The following RFC1 variants were observed in gnomAD, a reference collection of about 807,000 sequenced individuals.
RFC1 encodes A1 140 kDa subunit.
A neutral mutation model predicts 137.4 loss-of-function variants in RFC1; 37 were observed. The observed-to-expected ratio is 0.27, with a 90% CI of 0.21 to 0.35. The LOEUF (loss-of-function observed/expected upper bound fraction) is 0.35, where lower values mean the gene tolerates loss of function less well. Ranked by LOEUF, RFC1 falls within the 10% of genes least tolerant of loss-of-function variation. The pLI, the probability that RFC1 is intolerant of heterozygous loss-of-function variation, is 1.00. For synonymous variants in RFC1, 429 were observed against 455.7 expected, an observed-to-expected ratio of 0.94 and a Z score of 0.75; for missense variants, 1,205 against 1,358.5, an observed-to-expected ratio of 0.89 and a Z score of 1.78.
chr4:39,366,096 G>A, intron 1 of RFC1, 143 bp downstream of exon 1: 4 of 875,478 alleles, frequency 4.6e-6, no homozygotes, highest in Non-Finnish European at 6.6e-6. Flanking sequence ...TGCCCGGTGT[G>A]CGGCCCCTTC....
chr4:39,299,885 A>G, intron 21 of RFC1, 136 bp downstream of exon 21: 1 of 619,168 alleles, frequency 1.6e-6, no homozygotes, highest in South Asian at 2.0e-5. Context: ...ACTACACTCC[A>G]GCCCGGGCAA....
intron 1 of RFC1, 44 bp downstream of exon 1, chr4:39,366,195 G>A (rs763393317): frequency 1.9e-6 from 3 of 1,547,794 alleles, no homozygotes; most frequent in Non-Finnish European, 2.6e-6. Flanking sequence ...GGCCTGCAAA[G>A]CCCCCCCAGA....
rs200660847 is a variant in RFC1 at position 39,365,320 on chromosome 4, C to CG, written c.3+918_3+919insC. 135 of 324,514 alleles carry CG rather than the reference C, an allele frequency of 4.2e-4. 4 individuals carry two copies. In the Admixed American group the frequency reaches 7.7e-3, roughly 19 times the overall value. 20.1% of individuals were successfully genotyped at this position (324,514 alleles called of 1,614,324 possible). A position where few individuals can be genotyped will look rare whatever the true frequency, so the allele number is the denominator to read the frequency against. On this transcript the variant is annotated intron_variant, in intron 1 of 24. Coordinates refer to ENST00000349703, the MANE Select transcript of RFC1 (RefSeq NM_002913.5). Reference sequence around the variant, plus strand: ...TGTGGCATAAAATTTTCACCGCCCCCCCCCAGAATGTTGTCACTGTGACAC... The same window carrying CG: ...TGTGGCATAAAATTTTCACCGCCCCCGCCCCAGAATGTTGTCACTGTGACAC...
rs17287970 is a variant in RFC1 at position 39,344,045 on chromosome 4, CAG to C, written c.208+1354_208+1355del. Among the ~76,000 whole-genome samples, 962 of 151,118 alleles carry C rather than the reference CAG, an allele frequency of 6.4e-3. 15 individuals are homozygous for C. The highest frequency in any genetic ancestry group is 0.023 in the African/African-American group (929 of 41,112). ...AGGAGAATCGCTTGAACCCAGGAGA[CAG>C]AGGTTACACTGACCCAAGATCATGC... On this transcript the variant is annotated intron_variant, in intron 3 of 24. Coordinates refer to ENST00000349703, the MANE Select transcript of RFC1 (RefSeq NM_002913.5).
intron 1 of RFC1, among the ~76,000 whole-genome samples, chr4:39,361,823 C>G (rs1741772876): frequency 6.6e-6 from 1 of 152,156 alleles, no homozygotes; most frequent in Non-Finnish European, 1.5e-5. Flanking sequence ...CCGAGGCGGG[C>G]TGATCACGAG....
At position 39,306,488 on chromosome 4, in the gene RFC1, C is replaced by CCACA. The variant is rs3830271; in HGVS notation, c.1995+100_1995+103dup. On this transcript the variant is annotated intron_variant, in intron 14 of 24. Coordinates refer to ENST00000349703, the MANE Select transcript of RFC1 (RefSeq NM_002913.5). Reference sequence around the variant, plus strand: ...AATAAACACAGTTTATATATAGACACCACACACACACATGCACACGCACAG... The same window carrying CCACA: ...AATAAACACAGTTTATATATAGACACCACACACACACACACATGCACACGCACAG... 3,937 of 585,452 alleles carry CCACA rather than the reference C, an allele frequency of 6.7e-3. 109 individuals are homozygous for CCACA. In the East Asian group the frequency reaches 0.089, roughly 13 times the overall value. 36.3% of individuals were successfully genotyped at this position (585,452 alleles called of 1,614,324 possible).
At chr4:39,294,922 T>G (rs779996410) in intron 22 of RFC1, among the ~76,000 whole-genome samples, 12 of 151,768 alleles carry the variant, frequency 7.9e-5, no homozygotes, top group Non-Finnish European at 1.3e-4. Context: ...GAGAATCACT[T>G]AAACCCGGAG....
chr4:39,326,986 T>C (rs1393336266), intron 5 of RFC1, among the ~76,000 whole-genome samples: 1 of 152,226 alleles, frequency 6.6e-6, no homozygotes, highest in Non-Finnish European at 1.5e-5. Flanking sequence ...GATTACATTG[T>C]TCTATGGAGG....
At chr4:39,332,088 C>G (rs1740133021) in intron 4 of RFC1, among the ~76,000 whole-genome samples, 1 of 152,208 alleles carries the variant, frequency 6.6e-6, no homozygotes, top group Non-Finnish European at 1.5e-5. Flanking sequence ...TGCCTTTCAC[C>G]TTCCACCATG....
Position 39,330,611 on chromosome 4 carries a change from A to G in RFC1, c.332-2855T>C, listed in dbSNP as rs180769855. Among the ~76,000 whole-genome samples the G allele has an allele frequency of 1.3e-4, 20 of 152,312 alleles. No homozygotes were observed. The South Asian group carries it at 4.1e-3, about 32-fold the overall frequency. On this transcript the variant is annotated intron_variant, in intron 4 of 24. Transcript: ENST00000349703. The stretch of plus-strand genomic sequence containing the variant: ...TTTATCCTTGATTTGCTCAACCAGT[A>G]TGTACAAACCAAGGTGCAAAAGGTT...
intron 2 of RFC1, among the ~76,000 whole-genome samples, chr4:39,349,779 T>G (rs951996215): frequency 6.6e-6 from 1 of 152,094 alleles, no homozygotes; most frequent in African/African-American, 2.4e-5. Context: ...CCGAGGCAGG[T>G]AGATCACCTG....
chr4:39,366,138 C>T, intron 1 of RFC1, 101 bp downstream of exon 1: 1 of 1,317,666 alleles, frequency 7.6e-7, no homozygotes, highest in Non-Finnish European at 1.0e-6. Flanking sequence ...AACCACCCAC[C>T]GCCATCCTCC....
intron 9 of RFC1, among the ~76,000 whole-genome samples, chr4:39,317,303 A>G (rs1000730762): frequency 6.6e-6 from 1 of 152,208 alleles, no homozygotes; most frequent in Non-Finnish European, 1.5e-5. Flanking sequence ...AGAAATGCAA[A>G]AAGTGTTTTA....
At chr4:39,363,882 CT>C (rs1299558301) in intron 1 of RFC1, among the ~76,000 whole-genome samples, 1 of 103,024 alleles carries the variant, frequency 9.7e-6, no homozygotes, top group Admixed American at 1.2e-4. Context: ...AACAGCAAGA[CT>C]CTCAAAAAAA....
At chr4:39,361,253 G>GT (rs1256715548) in intron 1 of RFC1, among the ~76,000 whole-genome samples, 1 of 152,088 alleles carries the variant, frequency 6.6e-6, no homozygotes, top group Non-Finnish European at 1.5e-5. Flanking sequence ...GTCAGGTGTG[G>GT]TGGCACATGC....
chr4:39,303,991 T>C (rs980882458), intron 15 of RFC1, among the ~76,000 whole-genome samples: 4 of 152,216 alleles, frequency 2.6e-5, no homozygotes, highest in Non-Finnish European at 5.9e-5. Context: ...AATAGCTAAA[T>C]TCCAGCAATT....
chr4:39,299,526 T>C (rs564026285), intron 21 of RFC1, among the ~76,000 whole-genome samples: 16 of 142,796 alleles, frequency 1.1e-4, no homozygotes, highest in African/African-American at 4.2e-4. Context: ...GGCAGGAGAA[T>C]GGCATGAACC....
At chr4:39,303,521 T>C (rs1258024352) in intron 15 of RFC1, among the ~76,000 whole-genome samples, 1 of 152,174 alleles carries the variant, frequency 6.6e-6, no homozygotes, top group Non-Finnish European at 1.5e-5. Flanking sequence ...TGGCACGATA[T>C]TGGCTCACTG....
At chr4:39,360,430 G>A (rs1056428050) in intron 1 of RFC1, among the ~76,000 whole-genome samples, 4 of 152,110 alleles carry the variant, frequency 2.6e-5, no homozygotes, top group Non-Finnish European at 1.5e-5. Context: ...TTGAACCCAG[G>A]CAGCAGCGGT....
Sources: allele counts gnomAD v4.1 joint callset (sites outside exome capture counted in the v4.1 genomes callset), GRCh38; gene constraint gnomAD v4.1.1; transcripts MANE v1.5; gene names NCBI Gene and HGNC (gene_info 2026-07-23, HGNC 2026-07-21).